The following IMMP2L variants were observed in gnomAD, a reference collection of about 807,000 sequenced individuals.
The protein encoded by IMMP2L is inner mitochondrial membrane peptidase subunit 2, also known as mitochondrial inner membrane protease subunit 2.
A neutral mutation model predicts 19.3 loss-of-function variants in IMMP2L; 18 were observed. That is an observed-to-expected ratio of 0.93 (90% confidence interval 0.64 to 1.38). The LOEUF (loss-of-function observed/expected upper bound fraction) is 1.38. Ranked by LOEUF, IMMP2L falls within the 40% of genes most tolerant of loss-of-function variation. The pLI, the probability that IMMP2L is intolerant of heterozygous loss-of-function variation, is 0.00. For missense variants in IMMP2L, 233 were observed against 218.2 expected (o/e 1.07, Z -0.43); for synonymous variants, 76 against 73.0 (o/e 1.04, Z -0.21).
At chr7:111,266,174 A>C (rs1037990986) in intron 3 of IMMP2L, among the ~76,000 whole-genome samples, 11 of 152,230 alleles carry the variant, frequency 7.2e-5, no homozygotes, top group Non-Finnish European at 1.6e-4. Flanking sequence ...TACAAACATA[A>C]GTAATAACTA....
chr7:111,493,445 G>A (rs1843280702), intron 2 of IMMP2L, among the ~76,000 whole-genome samples: 1 of 152,278 alleles, frequency 6.6e-6, no homozygotes, highest in African/African-American at 2.4e-5. Flanking sequence ...GCTCACGCCT[G>A]TAATCCCAGC....
At chr7:110,944,465 G>A (rs181837549) in intron 4 of IMMP2L, among the ~76,000 whole-genome samples, 49 of 151,844 alleles carry the variant, frequency 3.2e-4, no homozygotes, top group East Asian at 1.8e-3. Context: ...GTGTGTGTGC[G>A]CGCGCACGTG....
chr7:110,842,176 T>A (rs1037870706), intron 5 of IMMP2L, among the ~76,000 whole-genome samples: 1 of 152,098 alleles, frequency 6.6e-6, no homozygotes, highest in African/African-American at 2.4e-5. Context: ...TATTTGGGGA[T>A]TTTTTTTCCT....
chr7:111,274,919 A>G (rs1215735611), intron 3 of IMMP2L, among the ~76,000 whole-genome samples: 1 of 152,150 alleles, frequency 6.6e-6, no homozygotes, highest in Non-Finnish European at 1.5e-5. Context: ...CAGTACGTAA[A>G]GCACTCACGC....
chr7:111,197,324 G>A (rs1376375263), intron 3 of IMMP2L, among the ~76,000 whole-genome samples: 8 of 152,022 alleles, frequency 5.3e-5, no homozygotes, highest in Admixed American at 1.3e-4. Context: ...TTAGCCGGGC[G>A]TGGTGGCGGG....
intron 3 of IMMP2L, among the ~76,000 whole-genome samples, chr7:111,486,047 A>T (rs1842629119): frequency 6.6e-6 from 1 of 152,188 alleles, no homozygotes. Flanking sequence ...AAGGTTGTTT[A>T]GGAGGTTGCA....
At chr7:111,453,698 G>A (rs1839427166) in intron 3 of IMMP2L, among the ~76,000 whole-genome samples, 1 of 152,108 alleles carries the variant, frequency 6.6e-6, no homozygotes, top group African/African-American at 2.4e-5. Context: ...GGGAAGTCCA[G>A]GTAATTGTCT....
intron 3 of IMMP2L, chr7:111,122,645 G>A (rs1800789620): frequency 1.4e-6 from 1 of 714,192 alleles, no homozygotes. Context: ...GAAAAACTTT[G>A]TGGTTCTATG....
At chr7:111,242,440 G>T (rs901263990) in intron 3 of IMMP2L, among the ~76,000 whole-genome samples, 2 of 152,046 alleles carry the variant, frequency 1.3e-5, no homozygotes, top group African/African-American at 2.4e-5. Flanking sequence ...GAGCACAAAA[G>T]AGAACTACAT....
chr7:110,921,337 A>G (rs1814253082), intron 4 of IMMP2L, among the ~76,000 whole-genome samples: 1 of 152,188 alleles, frequency 6.6e-6, no homozygotes. Flanking sequence ...AGTGGCATCT[A>G]TAAATTCCCT....
chr7:111,113,179 T>C (rs1330724643), intron 3 of IMMP2L, among the ~76,000 whole-genome samples: 1 of 152,208 alleles, frequency 6.6e-6, no homozygotes, highest in Non-Finnish European at 1.5e-5. Flanking sequence ...TCTCTATCTA[T>C]ACTAGGTCAT....
At chr7:110,981,565 T>G (rs1821300447) in intron 3 of IMMP2L, among the ~76,000 whole-genome samples, 1 of 151,878 alleles carries the variant, frequency 6.6e-6, no homozygotes, top group Non-Finnish European at 1.5e-5. Context: ...GTACTTTTTA[T>G]TTGAAAAAAA....
chr7:111,550,052 T>TAACAA (rs201025977), intron 1 of IMMP2L, among the ~76,000 whole-genome samples: 1,534 of 152,082 alleles, frequency 0.01, 18 homozygotes, highest in Middle Eastern at 0.017. Flanking sequence ...TATTAATATT[T>TAACAA]AACAAAACTA....
intron 4 of IMMP2L, among the ~76,000 whole-genome samples, chr7:110,929,729 A>G (rs1815264314): frequency 6.6e-6 from 1 of 152,204 alleles, no homozygotes; most frequent in Admixed American, 6.5e-5. Context: ...GCAAAGCTAA[A>G]TAACTATCCA....
intron 3 of IMMP2L, among the ~76,000 whole-genome samples, chr7:111,387,357 A>G (rs1400034494): frequency 6.6e-6 from 1 of 152,178 alleles, no homozygotes. Flanking sequence ...TTTCTGTGGT[A>G]TCATCACAAA....
At chr7:110,696,105 G>A (rs746791531) in intron 5 of IMMP2L, among the ~76,000 whole-genome samples, 101 of 152,186 alleles carry the variant, frequency 6.6e-4, no homozygotes, top group Non-Finnish European at 1.2e-3. Flanking sequence ...TAGGGTGAAT[G>A]AAAAGAGGGA....
At chr7:111,286,434 C>T (rs1226054346) in intron 3 of IMMP2L, among the ~76,000 whole-genome samples, 1 of 152,070 alleles carries the variant, frequency 6.6e-6, no homozygotes, top group South Asian at 2.1e-4. Context: ...AATGATTACA[C>T]CACACTACCA....
intron 3 of IMMP2L, among the ~76,000 whole-genome samples, chr7:111,060,621 G>A (rs1159994109): frequency 1.3e-5 from 2 of 152,160 alleles, no homozygotes; most frequent in African/African-American, 4.8e-5. Context: ...CTAAGCATCA[G>A]TCTTAAATCT....
intron 3 of IMMP2L, among the ~76,000 whole-genome samples, chr7:111,443,752 C>A (rs528833258): frequency 2.0e-5 from 3 of 152,182 alleles, no homozygotes; most frequent in Admixed American, 2.0e-4. Context: ...CATTCTTCTT[C>A]CTATTTTTAA....
Sources: gnomAD v4.1 joint callset for allele counts (sites outside exome capture counted in the v4.1 genomes callset) on GRCh38, gnomAD v4.1.1 for gene constraint, MANE v1.5 for transcripts, NCBI Gene and HGNC (gene_info 2026-07-23, HGNC 2026-07-21) for gene names.